CUX2: variants seen among roughly 807,000 people sequenced by gnomAD.
CUX2 encodes homeobox protein cut-like 2.
A neutral mutation model predicts 144.8 loss-of-function variants in CUX2; 40 were observed. That is an observed-to-expected ratio of 0.28 (90% CI 0.21 to 0.36). CUX2 has a LOEUF of 0.36. CUX2 is among the 10% of genes least tolerant of loss of function. CUX2 has a pLI of 1.00. For missense variants in CUX2, 1,615 were observed against 1,994.0 expected (o/e 0.81, Z 3.62); for synonymous variants, 827 against 875.6 (o/e 0.94, Z 0.98).
intron 1 of CUX2, among the ~76,000 whole-genome samples, chr12:111,084,671 G>T (rs1313022240): frequency 1.3e-5 from 2 of 152,158 alleles, no homozygotes; most frequent in Non-Finnish European, 2.9e-5. Flanking sequence ...ACGTTTTAAG[G>T]ACTCACAGCG....
rs1877664487 is a variant in CUX2, at chr12:111,160,190, A to G, written c.64-54010A>G. On this transcript the variant is annotated intron_variant, in intron 1 of 21. Coordinates refer to ENST00000261726, the MANE Select transcript of CUX2 (RefSeq NM_015267.4). The surrounding 1 kb of genome is among the most constrained non-coding windows in gnomAD (Gnocchi z 4.1). The stretch of plus-strand genomic sequence containing the variant: ...GGCAGCATAGGACGGGGCTAGGGGG[A>G]CATTTGCTAAGCATGTCAACAAGTT... 6.6e-6 allele frequency among the ~76,000 whole-genome samples: 1 copy of G among 152,176 alleles called. No homozygotes were observed. Among genetic ancestry groups the G allele is most frequent in the Admixed American group, 6.6e-5 (1 of 15,266 alleles).
Position 111,284,035 on chromosome 12 carries a change from G to T in CUX2, c.302-7383G>T, listed in dbSNP as rs1405793448. Among the ~76,000 whole-genome samples the T allele has an allele frequency of 2.6e-5, 4 of 151,990 alleles. No individual in the cohort carries two copies. The East Asian group carries it at 5.8e-4, about 22-fold the overall frequency. ...TTCTCAGGCATCAGACCAGCACCCT[G>T]CCTCCTCTCTCTCCTTCCCCTCTTT... On this transcript the variant is annotated intron_variant, in intron 4 of 21. Coordinates refer to ENST00000261726, the MANE Select transcript of CUX2 (RefSeq NM_015267.4).
intron 1 of CUX2, among the ~76,000 whole-genome samples, chr12:111,187,383 T>A (rs905673803): frequency 1.3e-5 from 2 of 152,176 alleles, no homozygotes; most frequent in African/African-American, 2.4e-5. Context: ...GTTTAGGTCT[T>A]TGCCTAAAAG....
chr12:111,348,333 G>A lies in CUX2; in HGVS notation c.*8G>A, dbSNP rs529686488. 3 of 1,605,080 alleles carry A rather than the reference G, an allele frequency of 1.9e-6. No individual in the cohort carries two copies. The highest frequency in any genetic ancestry group is 1.7e-5 in the Admixed American group (1 of 59,832). ...CTGGAGTGGGAGTTCTGAAGGCAGG[G>A]TGAGGGGGCAAGGGACATACCCTGG... On this transcript the variant is annotated 3_prime_UTR_variant, in exon 22 of 22. Coordinates refer to ENST00000261726, the MANE Select transcript of CUX2 (RefSeq NM_015267.4).
intron 1 of CUX2, among the ~76,000 whole-genome samples, chr12:111,102,186 T>C (rs1873293126): frequency 6.6e-6 from 1 of 152,172 alleles, no homozygotes; most frequent in Admixed American, 6.5e-5. Flanking sequence ...GGGGTGGGTG[T>C]CCTGCGTGGG....
chr12:111,063,105 C>T (rs535161544), intron 1 of CUX2, among the ~76,000 whole-genome samples: 1 of 152,292 alleles, frequency 6.6e-6, no homozygotes, highest in Non-Finnish European at 1.5e-5. Flanking sequence ...GCTGTTGCCT[C>T]CACCATCCTC....
At chr12:111,227,631 G>A (rs774326924) in intron 3 of CUX2, among the ~76,000 whole-genome samples, 13 of 152,012 alleles carry the variant, frequency 8.6e-5, no homozygotes, top group East Asian at 1.9e-4. Flanking sequence ...CCCCTCCTGC[G>A]CACTCTGGCT....
Position 111,108,070 on chromosome 12 carries a change from T to A in CUX2, c.63+73830T>A, listed in dbSNP as rs118151097. Among the ~76,000 whole-genome samples, 43 of 152,314 alleles carry A rather than the reference T, an allele frequency of 2.8e-4. No homozygotes were observed. The East Asian group carries it at 7.9e-3, about 28-fold the overall frequency. ...CATAGTCTCCCTTAATCTCCAACAGTTCTTCAGTCTTCTTTTGTCTTTAAT... is the reference window on the plus strand; with the variant it reads ...CATAGTCTCCCTTAATCTCCAACAGATCTTCAGTCTTCTTTTGTCTTTAAT... On this transcript the variant is annotated intron_variant, in intron 1 of 21. Coordinates refer to ENST00000261726, the MANE Select transcript of CUX2 (RefSeq NM_015267.4).
intron 18 of CUX2, among the ~76,000 whole-genome samples, chr12:111,331,410 G>A (rs1403229446): frequency 6.6e-6 from 1 of 152,136 alleles, no homozygotes; most frequent in South Asian, 2.1e-4. Context: ...TAATGTGCTG[G>A]GATTAGGTGT....
intron 1 of CUX2, among the ~76,000 whole-genome samples, chr12:111,148,918 C>T (rs1314842051): frequency 6.6e-6 from 1 of 152,028 alleles, no homozygotes; most frequent in Non-Finnish European, 1.5e-5. Flanking sequence ...GATTGCTTGA[C>T]CCCAGGAGTT....
At chr12:111,285,746 T>A (rs1351015815) in intron 4 of CUX2, among the ~76,000 whole-genome samples, 3 of 152,226 alleles carry the variant, frequency 2.0e-5, no homozygotes, top group African/African-American at 7.2e-5. Context: ...CTCCGTGTTG[T>A]GGTGAAGACT....
chr12:111,272,305 TTCCCTCCTCCTC>T (rs753894931), intron 4 of CUX2, among the ~76,000 whole-genome samples: 1 of 152,132 alleles, frequency 6.6e-6, no homozygotes, highest in Non-Finnish European at 1.5e-5. Flanking sequence ...CCTTCCCTCC[TTCCCTCCTCCTC>T]TCCCTCCTCC....
intron 4 of CUX2, 76 bp from the exon 5 acceptor site, chr12:111,291,342 C>A: frequency 6.7e-7 from 1 of 1,495,422 alleles, no homozygotes; most frequent in South Asian, 1.4e-5. Flanking sequence ...GTGGAACCTG[C>A]CAGGCCCTGC....
chr12:111,274,070 T>G (rs1397746472), intron 4 of CUX2, among the ~76,000 whole-genome samples: 2 of 152,258 alleles, frequency 1.3e-5, no homozygotes, highest in Admixed American at 6.5e-5. Flanking sequence ...TTGTTGTTTT[T>G]GGGGGTTTTT....
At chr12:111,291,577 G>T in intron 5 of CUX2, 25 bp downstream of exon 5, 1 of 1,557,552 alleles carries the variant, frequency 6.4e-7, no homozygotes, top group South Asian at 1.2e-5. Context: ...TTCTCGGAGC[G>T]TCTACAATAA....
chr12:111,066,859 A>C (rs1871042013), intron 1 of CUX2, among the ~76,000 whole-genome samples: 1 of 152,112 alleles, frequency 6.6e-6, no homozygotes, highest in African/African-American at 2.4e-5. Context: ...AGCTTCTCCA[A>C]CTGCAAGGTG....
At position 111,190,811 on chromosome 12, in the gene CUX2, G is replaced by T. The variant is rs1375600904; in HGVS notation, c.64-23389G>T. Among the ~76,000 whole-genome samples, 1 of 152,166 alleles carries T rather than the reference G, an allele frequency of 6.6e-6. No homozygotes were observed. Among genetic ancestry groups the T allele is most frequent in the Non-Finnish European group, 1.5e-5 (1 of 68,030 alleles). On this transcript the variant is annotated intron_variant, in intron 1 of 21. Coordinates refer to ENST00000261726, the MANE Select transcript of CUX2 (RefSeq NM_015267.4). The surrounding 1 kb of genome is among the most constrained non-coding windows in gnomAD (Gnocchi z 4.0). Reference sequence around the variant, plus strand: ...TTGGGTCTGCTGCTACCCCAAAGCTGAATGCCCCGGCTTTTAATCTGTGTG... The same window carrying T: ...TTGGGTCTGCTGCTACCCCAAAGCTTAATGCCCCGGCTTTTAATCTGTGTG...
intron 1 of CUX2, among the ~76,000 whole-genome samples, chr12:111,179,096 A>G (rs1031189443): frequency 6.6e-6 from 1 of 152,140 alleles, no homozygotes; most frequent in African/African-American, 2.4e-5. Flanking sequence ...TGGACAGGGC[A>G]ATAGTGGGAG....
intron 1 of CUX2, among the ~76,000 whole-genome samples, chr12:111,187,369 G>A (rs574996944): frequency 3.9e-5 from 6 of 152,122 alleles, no homozygotes; most frequent in African/African-American, 9.6e-5. Flanking sequence ...CTGAGTCCCC[G>A]CTCGTTTAGG....
Sources: gnomAD v4.1 joint callset for allele counts (sites outside exome capture counted in the v4.1 genomes callset) on GRCh38, gnomAD v4.1.1 for gene constraint, Gnocchi (gnomAD v3.1) non-coding constraint, MANE v1.5 for transcripts, NCBI Gene and HGNC (gene_info 2026-07-23, HGNC 2026-07-21) for gene names.